Variants in GLIS3 observed in about 807,000 individuals in gnomAD.
GLIS3 encodes zinc finger protein GLIS3.
A neutral mutation model predicts 78.6 loss-of-function variants in GLIS3; 53 were observed. The observed-to-expected ratio is 0.67, with a 90% CI of 0.54 to 0.85. The LOEUF (loss-of-function observed/expected upper bound fraction) is 0.85, where lower values mean the gene tolerates loss of function less well. Among genes scored for constraint, GLIS3 ranks in the 40% least tolerant of loss-of-function variants. The probability of loss-of-function intolerance (pLI) is 0.00; values close to 1 mark genes in which losing one functional copy is unlikely to be tolerated. For missense variants in GLIS3, 1,703 were observed against 1,231.1 expected (o/e 1.38, Z -5.74); for synonymous variants, 684 against 509.9 (o/e 1.34, Z -4.60).
intron 4 of GLIS3, among the ~76,000 whole-genome samples, chr9:4,065,283 G>A: frequency 6.6e-6 from 1 of 152,164 alleles, no homozygotes; most frequent in Non-Finnish European, 1.5e-5. Flanking sequence ...GCCCAAGGCA[G>A]AAAAAGGAGC....
chr9:4,207,997 T>C (rs1196005891), intron 2 of GLIS3, among the ~76,000 whole-genome samples: 2 of 152,220 alleles, frequency 1.3e-5, no homozygotes, highest in African/African-American at 4.8e-5. Flanking sequence ...AACAGCACAG[T>C]TAGTGTGTGT....
chr9:4,078,372 C>T (rs866182490), intron 4 of GLIS3, among the ~76,000 whole-genome samples: 17 of 152,074 alleles, frequency 1.1e-4, no homozygotes, highest in Admixed American at 3.3e-4. Context: ...CTGGGAAACC[C>T]CTGGGTTCAG....
chr9:3,903,404 T>A (rs1244694811), intron 6 of GLIS3, among the ~76,000 whole-genome samples: 1 of 152,224 alleles, frequency 6.6e-6, no homozygotes, highest in Admixed American at 6.5e-5. Flanking sequence ...AAAGTGGAAT[T>A]TGAAACCACT....
At chr9:4,476,979 A>T in the GLIS3 span, among the ~76,000 whole-genome samples, 5 of 152,192 alleles carry the variant, frequency 3.3e-5, no homozygotes, top group Admixed American at 6.5e-5. Context: ...GTAAGATGGT[A>T]CACCTGCTAT....
At chr9:4,105,392 G>C (rs1586681779) in intron 4 of GLIS3, among the ~76,000 whole-genome samples, 1 of 152,194 alleles carries the variant, frequency 6.6e-6, no homozygotes, top group South Asian at 2.1e-4. Flanking sequence ...ACACTTGGCA[G>C]CATCATTCCT....
chr9:4,202,727 C>T (rs1196912070), intron 2 of GLIS3, among the ~76,000 whole-genome samples: 1 of 152,020 alleles, frequency 6.6e-6, no homozygotes, highest in Non-Finnish European at 1.5e-5. Flanking sequence ...GAAAGGAATC[C>T]CTATTAAATA....
chr9:3,918,309 T>C (rs1208834214), intron 6 of GLIS3, among the ~76,000 whole-genome samples: 2 of 152,216 alleles, frequency 1.3e-5, no homozygotes, highest in Admixed American at 6.5e-5. Flanking sequence ...GGCAATTCTC[T>C]ATGATGTGTC....
At chr9:4,320,911 G>C (rs1817514035) in intron 2 of GLIS3, among the ~76,000 whole-genome samples, 1 of 151,588 alleles carries the variant, frequency 6.6e-6, no homozygotes, top group African/African-American at 2.4e-5. Flanking sequence ...CAAAATGCAA[G>C]TTTTGAAAGT....
chr9:4,084,041 T>C (rs757459609), intron 4 of GLIS3, among the ~76,000 whole-genome samples: 46 of 152,200 alleles, frequency 3.0e-4, no homozygotes, highest in Non-Finnish European at 6.0e-4. Context: ...TCTGTTACCA[T>C]TCAGAGTCTG....
At chr9:3,915,837 A>G (rs1824473669) in intron 6 of GLIS3, among the ~76,000 whole-genome samples, 1 of 152,220 alleles carries the variant, frequency 6.6e-6, no homozygotes, top group African/African-American at 2.4e-5. Flanking sequence ...TAAATTTATC[A>G]AAGAAATACT....
intron 9 of GLIS3, among the ~76,000 whole-genome samples, chr9:3,837,316 T>C (rs779914519): frequency 3.9e-5 from 6 of 152,220 alleles, no homozygotes; most frequent in Admixed American, 1.3e-4. Context: ...ATGGGAACTC[T>C]CTTTCACTGC....
chr9:3,829,125 G>A (rs1000977181), intron 10 of GLIS3, among the ~76,000 whole-genome samples, 185 bp downstream of exon 10: 5 of 152,040 alleles, frequency 3.3e-5, no homozygotes, highest in East Asian at 1.9e-4. Flanking sequence ...CCAGGGTGGT[G>A]GAAGAAGAGG....
chr9:4,470,844 T>C, the GLIS3 span, among the ~76,000 whole-genome samples: 737 of 151,936 alleles, frequency 4.9e-3, 5 homozygotes, highest in Middle Eastern at 0.021. Flanking sequence ...TGATTGTATA[T>C]CTAGAAAACC....
chr9:4,399,168 GCCAACACAAA>G, the GLIS3 span, among the ~76,000 whole-genome samples: 4 of 152,170 alleles, frequency 2.6e-5, no homozygotes, highest in African/African-American at 9.7e-5. Context: ...ATTGACTGCT[GCCAACACAAA>G]GAAATGATAA....
intron 2 of GLIS3, among the ~76,000 whole-genome samples, chr9:4,163,877 G>A (rs1207473692): frequency 6.6e-6 from 1 of 152,176 alleles, no homozygotes; most frequent in Non-Finnish European, 1.5e-5. Flanking sequence ...AACATATAAT[G>A]AAAAGGCTAC....
chr9:4,255,845 G>A (rs1386702891), intron 2 of GLIS3, among the ~76,000 whole-genome samples: 1 of 151,936 alleles, frequency 6.6e-6, no homozygotes, highest in African/African-American at 2.4e-5. Context: ...TGAACCCTAA[G>A]GTAAACTATG....
intron 9 of GLIS3, 22 bp downstream of exon 9, chr9:3,855,987 G>C: frequency 6.2e-7 from 1 of 1,613,632 alleles, no homozygotes; most frequent in Non-Finnish European, 8.5e-7. Context: ...AAAACTCAAG[G>C]GACTGCCAGC....
At chr9:4,481,030 A>AT in the GLIS3 span, among the ~76,000 whole-genome samples, 3 of 151,972 alleles carry the variant, frequency 2.0e-5, no homozygotes, top group South Asian at 2.1e-4. Context: ...AATTTTTTGT[A>AT]TTTTTTGTAG....
chr9:4,108,237 G>C (rs886225235), intron 4 of GLIS3, among the ~76,000 whole-genome samples: 13 of 152,058 alleles, frequency 8.5e-5, no homozygotes, highest in Non-Finnish European at 1.8e-4. Flanking sequence ...TTTCTTTCTC[G>C]TTAAAATGTA....
Sources: gnomAD v4.1 joint callset for allele counts (sites outside exome capture counted in the v4.1 genomes callset) on GRCh38, gnomAD v4.1.1 for gene constraint, MANE v1.5 for transcripts, NCBI Gene and HGNC (gene_info 2026-07-23, HGNC 2026-07-21) for gene names.